The following HYCC1 variants were observed in gnomAD, a reference collection of about 807,000 sequenced individuals.
HYCC1 encodes hyccin PI4KA lipid kinase complex subunit 1.
the HYCC1 span, among the ~76,000 whole-genome samples, chr7:22,981,392 A>G: frequency 1.3e-5 from 2 of 152,350 alleles, no homozygotes; most frequent in African/African-American, 4.8e-5. Context: ...TCTGGAAAAT[A>G]ATAATATCAA....
At chr7:22,927,334 G>C in the HYCC1 span, among the ~76,000 whole-genome samples, 6 of 151,924 alleles carry the variant, frequency 3.9e-5, no homozygotes, top group Non-Finnish European at 1.5e-5. Flanking sequence ...ACTAAGATCA[G>C]AGCAGAACTG....
At chr7:22,963,360 A>G in the HYCC1 span, among the ~76,000 whole-genome samples, 3 of 152,332 alleles carry the variant, frequency 2.0e-5, no homozygotes, top group East Asian at 5.8e-4. Context: ...AGAGACGGGA[A>G]CTACAAGAAA....
At chr7:22,972,054 T>C in the HYCC1 span, among the ~76,000 whole-genome samples, 2 of 152,194 alleles carry the variant, frequency 1.3e-5, no homozygotes, top group Non-Finnish European at 2.9e-5. Context: ...TCTAGAATTG[T>C]TGATACAGTC....
the HYCC1 span, among the ~76,000 whole-genome samples, chr7:22,918,895 G>A: frequency 6.6e-6 from 1 of 152,084 alleles, no homozygotes; most frequent in African/African-American, 2.4e-5. Context: ...AAGAAAACTT[G>A]TTTGGTGGTC....
the HYCC1 span, among the ~76,000 whole-genome samples, chr7:22,979,790 A>G: frequency 6.6e-5 from 10 of 152,202 alleles, no homozygotes; most frequent in African/African-American, 2.4e-4. Context: ...AGGCTTTATA[A>G]CCCATTTAAA....
the HYCC1 span, among the ~76,000 whole-genome samples, chr7:22,999,955 T>C: frequency 6.6e-6 from 1 of 151,902 alleles, no homozygotes; most frequent in Non-Finnish European, 1.5e-5. Flanking sequence ...AAATCAACAA[T>C]GAAAAGTTTA....
the HYCC1 span, among the ~76,000 whole-genome samples, chr7:22,994,934 C>T: frequency 6.6e-6 from 1 of 152,158 alleles, no homozygotes. Context: ...CCCATCCCAT[C>T]CTAATTCTGG....
chr7:22,904,751 C>G, the HYCC1 span, among the ~76,000 whole-genome samples: 1 of 151,506 alleles, frequency 6.6e-6, no homozygotes, highest in Non-Finnish European at 1.5e-5. Flanking sequence ...TGAGACCAGC[C>G]TGGCCAACAT....
the HYCC1 span, among the ~76,000 whole-genome samples, chr7:22,923,541 A>C: frequency 5.3e-5 from 8 of 152,162 alleles, no homozygotes; most frequent in Non-Finnish European, 1.0e-4. Flanking sequence ...GGAAGAAAAT[A>C]GTAAGAATTA....
the HYCC1 span, among the ~76,000 whole-genome samples, chr7:22,956,341 T>C: frequency 6.6e-6 from 1 of 152,026 alleles, no homozygotes; most frequent in East Asian, 1.9e-4. Context: ...GCAGCAATTC[T>C]ACACTGTAAT....
At chr7:23,012,928 A>G in the HYCC1 span, among the ~76,000 whole-genome samples, 1 of 152,168 alleles carries the variant, frequency 6.6e-6, no homozygotes, top group Non-Finnish European at 1.5e-5. Flanking sequence ...GCTTGGCCCT[A>G]CTGCCTGTAG....
the HYCC1 span, among the ~76,000 whole-genome samples, chr7:22,959,957 T>C: frequency 2.4e-4 from 37 of 152,350 alleles, no homozygotes; most frequent in Admixed American, 5.2e-4. Context: ...TACTTTTGAA[T>C]ACAAGCCCAA....
the HYCC1 span, among the ~76,000 whole-genome samples, chr7:22,904,035 T>TA: frequency 6.6e-6 from 1 of 152,162 alleles, no homozygotes; most frequent in Non-Finnish European, 1.5e-5. Context: ...TTCAAGCTGA[T>TA]AAAACAAAAT....
chr7:22,961,162 T>C, the HYCC1 span: 4 of 893,458 alleles, frequency 4.5e-6, no homozygotes, highest in Non-Finnish European at 7.1e-6. Context: ...AAACTATGAA[T>C]GGCTCTCAAT....
the HYCC1 span, among the ~76,000 whole-genome samples, chr7:22,971,949 A>C: frequency 5.3e-5 from 8 of 152,172 alleles, no homozygotes; most frequent in African/African-American, 1.9e-4. Flanking sequence ...CAAGATTTAC[A>C]TACCGGTAAA....
chr7:22,997,359 C>A, the HYCC1 span, among the ~76,000 whole-genome samples: 1 of 152,098 alleles, frequency 6.6e-6, no homozygotes, highest in Non-Finnish European at 1.5e-5. Flanking sequence ...CTTTTTATAA[C>A]CATTTGTTTT....
the HYCC1 span, among the ~76,000 whole-genome samples, chr7:22,925,210 G>A: frequency 6.6e-6 from 1 of 152,180 alleles, no homozygotes; most frequent in Non-Finnish European, 1.5e-5. Context: ...ACCAAAGGTA[G>A]ATAAAACCAC....
the HYCC1 span, among the ~76,000 whole-genome samples, chr7:23,001,201 G>T: frequency 6.6e-6 from 1 of 152,074 alleles, no homozygotes; most frequent in South Asian, 2.1e-4. Context: ...TATGCTAAGC[G>T]ATTTATTGGA....
chr7:22,925,977 T>A, the HYCC1 span, among the ~76,000 whole-genome samples: 3 of 152,122 alleles, frequency 2.0e-5, no homozygotes, highest in Non-Finnish European at 4.4e-5. Flanking sequence ...GACTAACAGC[T>A]GATCTCTCGG....
Sources: gnomAD v4.1 joint callset for allele counts (sites outside exome capture counted in the v4.1 genomes callset) on GRCh38, gnomAD v4.1.1 for gene constraint, MANE v1.5 for transcripts, NCBI Gene and HGNC (gene_info 2026-07-23, HGNC 2026-07-21) for gene names.